CASP2: variants seen among roughly 807,000 people sequenced by gnomAD.
CASP2 encodes the protein caspase-2.
Under a neutral mutation model 54.4 loss-of-function variants are expected in CASP2, and 38 were observed. That is an observed-to-expected ratio of 0.70 (90% CI 0.54 to 0.92). CASP2 has a LOEUF of 0.92. Among genes scored for constraint, CASP2 ranks in the 40% least tolerant of loss-of-function variants. The pLI, the probability that CASP2 is intolerant of heterozygous loss-of-function variation, is 0.00. For missense variants in CASP2, 512 were observed against 579.6 expected, an observed-to-expected ratio of 0.88 and a Z score of 1.20; for synonymous variants, 215 against 216.3, an observed-to-expected ratio of 0.99 and a Z score of 0.05.
At chr7:143,288,625 C>G in intron 1 of CASP2, 96 bp downstream of exon 1, 1 of 1,146,288 alleles carries the variant, frequency 8.7e-7, no homozygotes, top group African/African-American at 1.6e-5. Context: ...CCCCTCGGAG[C>G]CCCGGAAAGC....
intron 4 of CASP2, 141 bp from the exon 5 acceptor site, chr7:143,294,089 A>G: frequency 1.5e-6 from 1 of 679,388 alleles, no homozygotes; most frequent in East Asian, 2.6e-5. Flanking sequence ...CTCTGCCCTC[A>G]TGAAGCTTAC....
chr7:143,288,466 C>G lies in CASP2; in HGVS notation c.11C>G (p.Pro4Arg), dbSNP rs762812311. MAA[P>R]SAGSWSTFQH... Reference sequence around the variant, plus strand: ...CGGGAAAAGCGGGAAATGGCGGCGCCGAGCGCGGGGTCTTGGTCCACCTTC... The same window carrying G: ...CGGGAAAAGCGGGAAATGGCGGCGCGGAGCGCGGGGTCTTGGTCCACCTTC... The change falls in exon 1 of 11, where the codon CCG becomes CGG. Residue 4 changes from proline (P) to arginine (R), a missense_variant. By Grantham distance (103) the Pro-to-Arg change is moderately radical. Coordinates refer to ENST00000310447, the MANE Select transcript of CASP2 (RefSeq NM_032982.4). 8 of 1,613,034 alleles carry G rather than the reference C, an allele frequency of 5.0e-6. No individual in the cohort carries two copies. The highest frequency in any genetic ancestry group is 3.3e-5 in the Admixed American group (2 of 60,008).
intron 8 of CASP2, 61 bp from the exon 9 acceptor site, chr7:143,303,723 C>G: frequency 1.3e-6 from 2 of 1,539,046 alleles, no homozygotes; most frequent in Non-Finnish European, 1.8e-6. Flanking sequence ...TTGCCTGTGA[C>G]AGGCCCAAGA....
At chr7:143,300,545 AT>A in intron 8 of CASP2, 1 of 1,528,666 alleles carries the variant, frequency 6.5e-7, no homozygotes, top group Non-Finnish European at 8.8e-7. Flanking sequence ...CAGGTCTCTT[AT>A]CCCGTGTCTT....
At chr7:143,300,716 A>C in intron 8 of CASP2, 1 of 1,196,148 alleles carries the variant, frequency 8.4e-7, no homozygotes, top group Non-Finnish European at 1.1e-6. Context: ...CACTTGTTCC[A>C]TATACTTCCC....
intron 8 of CASP2, chr7:143,301,636 A>G (rs953724149): frequency 2.6e-5 from 4 of 152,188 alleles, no homozygotes; most frequent in African/African-American, 4.8e-5. Context: ...GAGTAATTTG[A>G]TTTACATAGT....
Position 143,294,280 on chromosome 7 carries a change from G to A in CASP2, c.526G>A (p.Val176Met), listed in dbSNP as rs760680826. ...DNKDGPVCLQ[V>M]KPCTPEFYQT... ...TAAAGATGGTCCTGTCTGCCTTCAGGTGAAGCCTTGCACTCCTGAATTTTA... is the reference window on the plus strand; with the variant it reads ...TAAAGATGGTCCTGTCTGCCTTCAGATGAAGCCTTGCACTCCTGAATTTTA... The change falls in exon 5 of 11, where the codon GTG (valine) becomes ATG (methionine). Residue 176 changes from valine to methionine, a missense_variant. Physicochemically the swap from Val to Met is conservative, Grantham distance 21. Coordinates refer to ENST00000310447, the MANE Select transcript of CASP2 (RefSeq NM_032982.4). The A allele has an allele frequency of 1.2e-6, 2 of 1,612,844 alleles. No individual in the cohort carries two copies. Among genetic ancestry groups the A allele is most frequent in the African/African-American group, 2.7e-5 (2 of 74,890 alleles).
intron 6 of CASP2, among the ~76,000 whole-genome samples, chr7:143,295,070 C>A (rs968093867): frequency 1.3e-5 from 2 of 151,840 alleles, no homozygotes; most frequent in African/African-American, 4.8e-5. Context: ...CTCTGTCACC[C>A]AGGCTGGAGT....
Position 143,292,475 on chromosome 7 carries a change from G to A in CASP2, c.393+8G>A, listed in dbSNP as rs893357769. On this transcript the variant is annotated splice_region_variant and intron_variant, in intron 3 of 10. Coordinates refer to ENST00000310447, the MANE Select transcript of CASP2 (RefSeq NM_032982.4). ...CAGCATGTACTCCCACCGGTATGAA[G>A]CTTTAGTAATATGGGGTGTTGGGAA... is the stretch of plus-strand genomic sequence containing the variant. 2.5e-6 allele frequency: 4 copies of A among 1,614,000 alleles called. No individual in the cohort carries two copies. The African/African-American group carries it at 4.0e-5, about 16-fold the overall frequency.
At chr7:143,298,567 CAAG>C (rs1378425335) in intron 6 of CASP2, 1 of 152,180 alleles carries the variant, frequency 6.6e-6, no homozygotes, top group Non-Finnish European at 1.5e-5. Context: ...GAGGCTGAGG[CAAG>C]AAGATTCCTT....
At position 143,305,970 on chromosome 7, in the gene CASP2, G is replaced by A. The variant is rs1802050834; in HGVS notation, c.*899G>A. ...ACTTCATATCTAGATTTCTAGAAAA[G>A]CTTCCTAGCTTATCTCCCTGCTTCA... On this transcript the variant is annotated 3_prime_UTR_variant, in exon 11 of 11. Coordinates refer to ENST00000310447, the MANE Select transcript of CASP2 (RefSeq NM_032982.4). 1 of 152,108 alleles carries A rather than the reference G, an allele frequency of 6.6e-6. No individual in the cohort carries two copies. Among genetic ancestry groups the A allele is most frequent in the Non-Finnish European group, 1.5e-5 (1 of 68,048 alleles). 9.4% of individuals were successfully genotyped at this position (152,108 alleles called of 1,614,324 possible).
At position 143,288,394 on chromosome 7, in the gene CASP2, A is replaced by C. The variant is rs1009219147; in HGVS notation, c.-62A>C. On this transcript the variant is annotated 5_prime_UTR_variant, in exon 1 of 11. Transcript: ENST00000310447. ...TGAGGGGAGGGATGTGGGGGAAGCG[A>C]CGGCCCCCGGTTTGTTTGGGCTGTG... is the stretch of plus-strand genomic sequence containing the variant. 24 of 1,542,244 alleles carry C rather than the reference A, an allele frequency of 1.6e-5. No individual in the cohort carries two copies. The East Asian group carries it at 5.4e-4, about 35-fold the overall frequency.
chr7:143,303,618 A>G, intron 8 of CASP2, 166 bp from the exon 9 acceptor site: 1 of 601,444 alleles, frequency 1.7e-6, no homozygotes, highest in Non-Finnish European at 2.9e-6. Flanking sequence ...TGAGAGAGTA[A>G]TAATTTTTTT....
In CASP2 at chr7:143,303,935, T is replaced by G; in HGVS notation, c.1117+2T>G. On this transcript the variant is annotated splice_donor_variant, in intron 9 of 10. Coordinates refer to ENST00000310447, the MANE Select transcript of CASP2 (RefSeq NM_032982.4). LOFTEE classifies it high-confidence loss of function. ...TATGCGGCTATGCCTGCCTCAAAGG[T>G]ACTTTGAGTTCCAAAAGAGTTGAGT... is the stretch of plus-strand genomic sequence containing the variant. 1 of 1,583,022 alleles carries G rather than the reference T, an allele frequency of 6.3e-7. No individual in the cohort carries two copies. Among genetic ancestry groups the G allele is most frequent in the Non-Finnish European group, 8.6e-7 (1 of 1,163,834 alleles).
At chr7:143,292,787 G>A (rs914838084) in intron 4 of CASP2, 89 bp downstream of exon 4, 1 of 1,023,016 alleles carries the variant, frequency 9.8e-7, no homozygotes, top group African/African-American at 1.6e-5. Flanking sequence ...AAGGCGGGTG[G>A]ATCACCTGAG....
rs746876443 is a variant in CASP2 at position 143,292,440 on chromosome 7, T to G, written c.366T>G (p.Leu122=). Reference sequence around the variant, plus strand: ...TGGAGGATATGTTGCTCACCACCCTTTCTGGGCTTCAGCATGTACTCCCAC... The same window carrying G: ...TGGAGGATATGTTGCTCACCACCCTGTCTGGGCTTCAGCATGTACTCCCAC... ...GHLEDMLLTT[L]SGLQHVLPPL... The change falls in exon 3 of 11, where the codon CTT becomes CTG. Residue 122 remains leucine (L), a synonymous_variant. Transcript: ENST00000310447. 6 of 1,614,126 alleles carry G rather than the reference T, an allele frequency of 3.7e-6. No homozygotes were observed. Among genetic ancestry groups the G allele is most frequent in the Non-Finnish European group, 5.1e-6 (6 of 1,180,022 alleles).
intron 8 of CASP2, chr7:143,300,736 A>G (rs1226295939): frequency 1.7e-6 from 2 of 1,190,878 alleles, no homozygotes; most frequent in Non-Finnish European, 2.1e-6. Flanking sequence ...CTGTTTACCT[A>G]CACTTCCATG....
At chr7:143,289,331 A>G (rs1410241754) in intron 1 of CASP2, among the ~76,000 whole-genome samples, 2 of 152,218 alleles carry the variant, frequency 1.3e-5, no homozygotes, top group African/African-American at 4.8e-5. Flanking sequence ...GAGTAGAGGA[A>G]GGAGCGGGTG....
chr7:143,288,447 A>G lies in CASP2; in HGVS notation c.-9A>G, dbSNP rs1801445876. ...CGGTGCGCAGCGGAGAGCCCGGGAA[A>G]AGCGGGAAATGGCGGCGCCGAGCGC... On this transcript the variant is annotated 5_prime_UTR_variant, in exon 1 of 11. Coordinates refer to ENST00000310447, the MANE Select transcript of CASP2 (RefSeq NM_032982.4). The G allele has an allele frequency of 6.2e-7, 1 of 1,612,530 alleles. No homozygotes were observed. The highest frequency in any genetic ancestry group is 1.3e-5 in the African/African-American group (1 of 74,902).
Sources: allele counts gnomAD v4.1 joint callset (sites outside exome capture counted in the v4.1 genomes callset), GRCh38; gene constraint gnomAD v4.1.1; transcripts MANE v1.5; gene names NCBI Gene and HGNC (gene_info 2026-07-23, HGNC 2026-07-21).